DYNLRB1: variants seen among roughly 807,000 people sequenced by gnomAD.
The protein encoded by DYNLRB1 is dynein light chain roadblock-type 1.
In DYNLRB1, 6 loss-of-function variants were observed where a neutral mutation model predicts 13.5. That is an observed-to-expected ratio of 0.44 (90% CI 0.24 to 0.88). The LOEUF is 0.88. Among genes scored for constraint, DYNLRB1 ranks in the 40% least tolerant of loss-of-function variants. The pLI is 0.21. For missense variants in DYNLRB1, 93 were observed against 127.2 expected (o/e 0.73, Z 1.29); for synonymous variants, 43 against 45.0 (o/e 0.96, Z 0.18).
intron 1 of DYNLRB1, among the ~76,000 whole-genome samples, chr20:34,517,075 G>A (rs1225020929): frequency 6.6e-6 from 1 of 152,154 alleles, no homozygotes; most frequent in Non-Finnish European, 1.5e-5. Context: ...TGCTCTTGGG[G>A]ATCCCAAAGC....
chr20:34,534,729 G>A lies in DYNLRB1; in HGVS notation c.181G>A (p.Asp61Asn), dbSNP rs1223348566. 6.2e-6 allele frequency: 10 copies of A among 1,613,874 alleles called. No individual in the cohort carries two copies. Among genetic ancestry groups the A allele is most frequent in the South Asian group, 1.1e-5 (1 of 91,048 alleles). Residue 61 changes from aspartate to asparagine, a missense_variant, in exon 3 of 4, where the codon GAC becomes AAC. Physicochemically the swap from Asp to Asn is conservative, Grantham distance 23. Coordinates refer to ENST00000357156, the MANE Select transcript of DYNLRB1 (RefSeq NM_014183.4). ...LKARSTVRDI[D>N]PQNDLTFLRI... ...GGCACGGAGCACCGTGCGTGACATC[G>A]ACCCCCAGAACGATCTCACCTTCCT...
intron 1 of DYNLRB1, among the ~76,000 whole-genome samples, chr20:34,522,463 C>CTTTTACT (rs1568598377): frequency 6.9e-5 from 7 of 101,268 alleles, no homozygotes; most frequent in African/African-American, 2.6e-4. Context: ...TTTCTTTTTT[C>CTTTTACT]TTTTTCTTTT....
intron 1 of DYNLRB1, among the ~76,000 whole-genome samples, chr20:34,517,485 TAAA>T (rs972815535): frequency 6.6e-6 from 1 of 151,966 alleles, no homozygotes; most frequent in Non-Finnish European, 1.5e-5. Context: ...TCTTAAGCTG[TAAA>T]AAAAATTGAT....
rs1236619420 is a variant in DYNLRB1 at position 34,517,473 on chromosome 20, C to T, written c.3+1012C>T. On this transcript the variant is annotated intron_variant, in intron 1 of 3. Transcript: ENST00000357156. ...ATGTATAACTTCATTTTTCACATCA[C>T]TTCTTAAGCTGTAAAAAAAATTGAT... Among the ~76,000 whole-genome samples, 6 of 152,124 alleles carry T rather than the reference C, an allele frequency of 3.9e-5. No homozygotes were observed. In the East Asian group the frequency reaches 1.2e-3, roughly 29 times the overall value.
chr20:34,518,184 G>A (rs1455648042), intron 1 of DYNLRB1, among the ~76,000 whole-genome samples: 2 of 151,842 alleles, frequency 1.3e-5, no homozygotes, highest in South Asian at 2.1e-4. Flanking sequence ...CCGTAAATAA[G>A]TGGATTTATT....
At chr20:34,530,338 C>T in intron 2 of DYNLRB1, 1 of 965,780 alleles carries the variant, frequency 1.0e-6, no homozygotes, top group Non-Finnish European at 1.2e-6. Flanking sequence ...CCCTACTTAA[C>T]TTATCAGCTA....
chr20:34,535,527 A>T, intron 3 of DYNLRB1: 1 of 753,514 alleles, frequency 1.3e-6, no homozygotes, highest in Non-Finnish European at 1.6e-6. Flanking sequence ...CAACAGAGCC[A>T]CATCTCCTGC....
chr20:34,525,981 G>GT (rs1318116885), intron 1 of DYNLRB1, among the ~76,000 whole-genome samples: 1 of 152,222 alleles, frequency 6.6e-6, no homozygotes, highest in African/African-American at 2.4e-5. Flanking sequence ...TGGGAATGGT[G>GT]TTTATATTCT....
chr20:34,528,413 C>G (rs1980431043), intron 2 of DYNLRB1, among the ~76,000 whole-genome samples: 1 of 150,372 alleles, frequency 6.7e-6, no homozygotes, highest in Non-Finnish European at 1.5e-5. Context: ...GAGGAGTCCA[C>G]TGAGACACTG....
chr20:34,531,839 T>A (rs1176175756), intron 2 of DYNLRB1, among the ~76,000 whole-genome samples: 1 of 152,114 alleles, frequency 6.6e-6, no homozygotes, highest in Non-Finnish European at 1.5e-5. Flanking sequence ...CACCCGAAGA[T>A]GGAGACCTCA....
intron 2 of DYNLRB1, among the ~76,000 whole-genome samples, chr20:34,533,320 C>T (rs1308385517): frequency 6.6e-6 from 1 of 152,182 alleles, no homozygotes; most frequent in Non-Finnish European, 1.5e-5. Context: ...ACCTAGTGGG[C>T]TCTTTGAAAG....
intron 1 of DYNLRB1, among the ~76,000 whole-genome samples, chr20:34,524,402 T>C (rs961025000): frequency 6.6e-6 from 1 of 152,236 alleles, no homozygotes; most frequent in African/African-American, 2.4e-5. Context: ...CTTGGCCTTT[T>C]CCCTAATTGT....
chr20:34,535,601 A>G, intron 3 of DYNLRB1: 2 of 978,582 alleles, frequency 2.0e-6, no homozygotes, highest in Non-Finnish European at 2.4e-6. Context: ...CCGTCTTTGC[A>G]TTATTACTTT....
intron 2 of DYNLRB1, among the ~76,000 whole-genome samples, chr20:34,528,168 C>T (rs796430050): frequency 0.038 from 3,539 of 92,878 alleles, 1,054 homozygotes; most frequent in African/African-American, 0.14. Context: ...AAAAATTAGC[C>T]GGGCGTAGTG....
intron 2 of DYNLRB1, among the ~76,000 whole-genome samples, chr20:34,531,596 C>T (rs1980718266): frequency 6.6e-6 from 1 of 152,208 alleles, no homozygotes. Context: ...ACTCCTCATG[C>T]CAATATCTTT....
At chr20:34,524,632 G>T (rs941404667) in intron 1 of DYNLRB1, among the ~76,000 whole-genome samples, 1 of 152,040 alleles carries the variant, frequency 6.6e-6, no homozygotes, top group Non-Finnish European at 1.5e-5. Flanking sequence ...TCTCATACAC[G>T]CATGACCCAC....
rs758294443 is a variant in DYNLRB1, at chr20:34,540,909, G to C, written c.*285G>C. 2.5e-6 allele frequency: 1 copy of C among 403,960 alleles called. No homozygotes were observed. 25.0% of individuals were successfully genotyped at this position (403,960 alleles called of 1,614,324 possible). On this transcript the variant is annotated 3_prime_UTR_variant, in exon 4 of 4. Coordinates refer to ENST00000357156, the MANE Select transcript of DYNLRB1 (RefSeq NM_014183.4). ...CTTCTGACCTTCAGTTCACTTTGTC[G>C]CCCTTGGAGAAAGCTGTTTTTCTTT...
At chr20:34,517,272 C>T (rs1252424077) in intron 1 of DYNLRB1, among the ~76,000 whole-genome samples, 4 of 152,126 alleles carry the variant, frequency 2.6e-5, no homozygotes, top group Non-Finnish European at 2.9e-5. Context: ...AAAAAGAAAC[C>T]GTGTCATCAC....
intron 2 of DYNLRB1, 68 bp from the exon 3 acceptor site, chr20:34,534,560 G>GGGGTGT: frequency 6.7e-7 from 1 of 1,502,848 alleles, no homozygotes; most frequent in South Asian, 1.3e-5. Flanking sequence ...TCCCCAATTA[G>GGGGTGT]GGGTGTGGGT....
Sources: gnomAD v4.1 joint callset for allele counts (sites outside exome capture counted in the v4.1 genomes callset) on GRCh38, gnomAD v4.1.1 for gene constraint, MANE v1.5 for transcripts, NCBI Gene and HGNC (gene_info 2026-07-23, HGNC 2026-07-21) for gene names.